Variants in RORA observed in about 807,000 individuals in gnomAD.
RORA encodes RAR related orphan receptor A.
Under a neutral mutation model 69.5 loss-of-function variants are expected in RORA, and 7 were observed. The ratio of observed to expected loss-of-function variants is 0.10; its 90% CI spans 0.06 to 0.19. The LOEUF (loss-of-function observed/expected upper bound fraction) is 0.19, where lower values mean the gene tolerates loss of function less well. Among genes scored for constraint, RORA ranks in the 10% least tolerant of loss-of-function variants. The pLI, the probability that RORA is intolerant of heterozygous loss-of-function variation, is 1.00. For synonymous variants in RORA, 261 were observed against 240.8 expected, an observed-to-expected ratio of 1.08 and a Z score of -0.78; for missense variants, 457 against 663.0, an observed-to-expected ratio of 0.69 and a Z score of 3.41.
At chr15:60,944,219 G>C (rs561667568) in intron 1 of RORA, among the ~76,000 whole-genome samples, 49 of 152,138 alleles carry the variant, frequency 3.2e-4, no homozygotes, top group Non-Finnish European at 5.6e-4. Context: ...CACCTGGGAA[G>C]TCTGATGTAA....
intron 2 of RORA, among the ~76,000 whole-genome samples, chr15:60,673,255 T>G (rs545620082): frequency 6.6e-6 from 1 of 152,362 alleles, no homozygotes; most frequent in South Asian, 2.1e-4. Flanking sequence ...GTCCTCGCCA[T>G]GAACTGTGGG....
chr15:60,707,796 G>A (rs1238111956), intron 1 of RORA, among the ~76,000 whole-genome samples: 2 of 152,086 alleles, frequency 1.3e-5, no homozygotes, highest in African/African-American at 2.4e-5. Flanking sequence ...TCCCATTTGT[G>A]TCCAGTTCTT....
intron 1 of RORA, among the ~76,000 whole-genome samples, chr15:60,766,649 A>C (rs1595698363): frequency 6.8e-6 from 1 of 146,348 alleles, no homozygotes; most frequent in African/African-American, 2.5e-5. Context: ...AGATTGCCAA[A>C]CTTTGCCCTT....
In RORA at chr15:61,083,827, T is replaced by C. The variant is rs1021514233; in HGVS notation, c.166+145226A>G. ...ACGTAGGCTTCTCTTGTTTATCAAG[T>C]CTAAAAGCATGAGGAAAACAGAGGG... On this transcript the variant is annotated intron_variant, in intron 1 of 10. Transcript: ENST00000335670. Among the ~76,000 whole-genome samples, 9 of 151,766 alleles carry C rather than the reference T, an allele frequency of 5.9e-5. No homozygotes were observed. The East Asian group carries it at 9.7e-4, about 16-fold the overall frequency.
At chr15:60,885,351 C>T (rs961599999) in intron 1 of RORA, among the ~76,000 whole-genome samples, 5 of 152,188 alleles carry the variant, frequency 3.3e-5, no homozygotes, top group African/African-American at 1.2e-4. Context: ...TCCAGCTATC[C>T]CCGCCAGGTT....
At chr15:61,005,986 T>C (rs1161873980) in intron 1 of RORA, among the ~76,000 whole-genome samples, 1 of 151,982 alleles carries the variant, frequency 6.6e-6, no homozygotes, top group Non-Finnish European at 1.5e-5. Context: ...TTTGTTTTTT[T>C]TGAGAAGGAG....
chr15:61,016,251 T>C (rs1361358944), intron 1 of RORA, among the ~76,000 whole-genome samples: 1 of 152,174 alleles, frequency 6.6e-6, no homozygotes, highest in Non-Finnish European at 1.5e-5. Flanking sequence ...GATGAGATAA[T>C]ACAAATAAAG....
At position 60,516,241 on chromosome 15, in the gene RORA, ATATATATTT is replaced by A. The variant is rs1567052795; in HGVS notation, c.283-1493_283-1485del. On this transcript the variant is annotated intron_variant, in intron 3 of 10. Transcript: ENST00000335670. ...TATATATTTATATATATATTTATAT[ATATATATTT>A]ATATATATATATTTATATATTTTTT... 2.1e-3 allele frequency among the ~76,000 whole-genome samples: 145 copies of A among 69,404 alleles called. 3 individuals are homozygous for A. The highest frequency in any genetic ancestry group is 9.8e-3 in the African/African-American group (141 of 14,444). 45.5% of individuals were successfully genotyped at this position (69,404 alleles called of 152,430 possible). A position where few individuals can be genotyped will look rare whatever the true frequency, so the allele number is the denominator to read the frequency against.
At chr15:61,120,722 T>C (rs1468902148) in intron 1 of RORA, among the ~76,000 whole-genome samples, 2 of 143,196 alleles carry the variant, frequency 1.4e-5, no homozygotes, top group African/African-American at 2.6e-5. Flanking sequence ...AAAAAAAACA[T>C]ACCCTACTTC....
chr15:60,669,381 C>A (rs1308567821), intron 2 of RORA, among the ~76,000 whole-genome samples: 5 of 149,098 alleles, frequency 3.4e-5, no homozygotes, highest in Non-Finnish European at 5.9e-5. Context: ...GTTTTTTTAA[C>A]GTAGTTGGTC....
chr15:60,541,996 A>G (rs911681348), intron 2 of RORA, among the ~76,000 whole-genome samples: 26 of 152,194 alleles, frequency 1.7e-4, no homozygotes, highest in African/African-American at 6.3e-4. Context: ...TCCTGAAAAC[A>G]CTGCTATCAG....
At chr15:60,627,530 C>T in intron 2 of RORA, 1 of 1,447,334 alleles carries the variant, frequency 6.9e-7, no homozygotes, top group Non-Finnish European at 9.1e-7. Context: ...CCCTGTGAAT[C>T]TGCTGCCATG....
intron 2 of RORA, among the ~76,000 whole-genome samples, chr15:60,608,866 T>G (rs797004236): frequency 5.3e-5 from 8 of 152,332 alleles, no homozygotes; most frequent in African/African-American, 1.9e-4. Context: ...AACCGGATCA[T>G]ATGATGTTGA....
chr15:60,825,261 G>T (rs901738830), intron 1 of RORA, among the ~76,000 whole-genome samples: 1 of 152,148 alleles, frequency 6.6e-6, no homozygotes, highest in Non-Finnish European at 1.5e-5. Context: ...CAGAGCACAT[G>T]CTAAGTACTT....
chr15:60,889,670 C>T lies in RORA; in HGVS notation c.167-210984G>A, dbSNP rs760028775. On this transcript the variant is annotated intron_variant, in intron 1 of 10. Coordinates refer to ENST00000335670, the MANE Select transcript of RORA (RefSeq NM_134261.3). ...AACGCCCCTGGAACTTAGATCTGGA[C>T]GGCCTTGCAGGCAAAGATACACAAT... Among the ~76,000 whole-genome samples the T allele has an allele frequency of 7.2e-4, 109 of 152,294 alleles. 1 individual carries two copies. In the Middle Eastern group the frequency reaches 0.01, roughly 14 times the overall value.
At chr15:60,659,489 C>T (rs925985756) in intron 2 of RORA, among the ~76,000 whole-genome samples, 4 of 152,162 alleles carry the variant, frequency 2.6e-5, no homozygotes, top group Admixed American at 6.5e-5. Context: ...TGCACCTTTT[C>T]GCTACCTGAA....
intron 2 of RORA, chr15:60,600,848 C>T (rs2068793246): frequency 6.6e-6 from 1 of 152,106 alleles, no homozygotes; most frequent in Admixed American, 6.6e-5. Context: ...CTGCTACTAC[C>T]TCTCCTACTG....
chr15:61,112,428 A>C (rs1438633527), intron 1 of RORA, among the ~76,000 whole-genome samples: 3 of 152,044 alleles, frequency 2.0e-5, no homozygotes, highest in Non-Finnish European at 4.4e-5. Flanking sequence ...AGCGGAAAGC[A>C]ATCTGAAAAG....
At chr15:61,129,093 T>G (rs994085671) in intron 1 of RORA, among the ~76,000 whole-genome samples, 2 of 152,230 alleles carry the variant, frequency 1.3e-5, no homozygotes, top group African/African-American at 4.8e-5. Context: ...AAAATCAAAC[T>G]CTGCATTTGG....
Sources: gnomAD v4.1 joint callset for allele counts (sites outside exome capture counted in the v4.1 genomes callset) on GRCh38, gnomAD v4.1.1 for gene constraint, MANE v1.5 for transcripts, NCBI Gene and HGNC (gene_info 2026-07-23, HGNC 2026-07-21) for gene names.